Variants in ST7 observed in about 807,000 individuals in gnomAD.
The protein encoded by ST7 is suppressor of tumorigenicity 7 protein.
In ST7, 28 loss-of-function variants were observed where a neutral mutation model predicts 78.7. That is an observed-to-expected ratio of 0.36 (90% CI 0.26 to 0.49). The LOEUF (loss-of-function observed/expected upper bound fraction) is 0.49, where lower values mean the gene tolerates loss of function less well. Ranked by LOEUF, ST7 falls within the 20% of genes least tolerant of loss-of-function variation. ST7 has a pLI of 0.99. For missense variants in ST7, 418 were observed against 696.0 expected (o/e 0.60, Z 4.49); for synonymous variants, 247 against 249.6 (o/e 0.99, Z 0.10).
chr7:117,017,859 A>C (rs10233410), intron 1 of ST7, among the ~76,000 whole-genome samples: 5,543 of 152,252 alleles, frequency 0.036, 347 homozygotes, highest in African/African-American at 0.12. Context: ...AGGCCTCCAC[A>C]TAACAGAAAT....
intron 1 of ST7, among the ~76,000 whole-genome samples, chr7:117,043,107 A>G (rs1740979751): frequency 6.6e-6 from 1 of 152,246 alleles, no homozygotes; most frequent in African/African-American, 2.4e-5. Flanking sequence ...TTAAATAGAC[A>G]TGTAATAATG....
chr7:117,056,316 G>C (rs781496361), intron 1 of ST7, among the ~76,000 whole-genome samples: 1 of 152,186 alleles, frequency 6.6e-6, no homozygotes, highest in Non-Finnish European at 1.5e-5. Context: ...CTTGCTCAGA[G>C]TTGTGAGAGT....
At chr7:117,199,826 G>A (rs1477781162) in intron 12 of ST7, among the ~76,000 whole-genome samples, 1 of 152,232 alleles carries the variant, frequency 6.6e-6, no homozygotes, top group Admixed American at 6.5e-5. Flanking sequence ...CTCACAGTCA[G>A]AGTTGGGGCA....
Position 117,219,224 on chromosome 7 carries a change from G to C in ST7, c.1498+48G>C, listed in dbSNP as rs964614847. 1 of 1,476,908 alleles carries C rather than the reference G, an allele frequency of 6.8e-7. No individual in the cohort carries two copies. Among genetic ancestry groups the C allele is most frequent in the Non-Finnish European group, 9.3e-7 (1 of 1,070,224 alleles). The allele number at this position is 1,476,908 out of a possible 1,614,324, so 91.5% of individuals were successfully genotyped here. On this transcript the variant is annotated intron_variant, in intron 14 of 15. Transcript: ENST00000323984. The surrounding 1 kb of genome is among the most constrained non-coding windows in gnomAD (Gnocchi z 5.1). The stretch of plus-strand genomic sequence containing the variant: ...CAGTGAGGGTGTGTGGTGAAAGGTG[G>C]GGATTGGAAGAGGTGGGAATATCAA...
intron 1 of ST7, among the ~76,000 whole-genome samples, chr7:117,005,347 A>G (rs180917159): frequency 6.6e-6 from 1 of 152,326 alleles, no homozygotes; most frequent in Admixed American, 6.5e-5. Context: ...ATTGTACAGA[A>G]CAGGAATATC....
At chr7:116,967,118 CTTTT>C (rs35773173) in intron 1 of ST7, among the ~76,000 whole-genome samples, 3 of 139,448 alleles carry the variant, frequency 2.2e-5, no homozygotes. Context: ...TTCTATCACT[CTTTT>C]TTTTTTTTTT....
At chr7:117,189,425 G>A (rs1050193639) in intron 11 of ST7, 32 bp downstream of exon 11, 2 of 1,531,126 alleles carry the variant, frequency 1.3e-6, no homozygotes, top group Admixed American at 3.6e-5. Flanking sequence ...CGGTACTAAT[G>A]CCTGACCGGA....
chr7:117,037,546 G>A (rs1420712778), intron 1 of ST7, among the ~76,000 whole-genome samples: 2 of 152,158 alleles, frequency 1.3e-5, no homozygotes, highest in African/African-American at 4.8e-5. Context: ...GTGAGAATAT[G>A]TTTTATTCAG....
intron 1 of ST7, among the ~76,000 whole-genome samples, chr7:117,020,911 C>A (rs1216659675): frequency 6.6e-6 from 1 of 152,134 alleles, no homozygotes; most frequent in African/African-American, 2.4e-5. Context: ...GGGATCAGGC[C>A]TGTCACTGAT....
Position 117,063,703 on chromosome 7 carries a change from G to A in ST7, c.152-36059G>A, listed in dbSNP as rs560982851. 5.1e-4 allele frequency among the ~76,000 whole-genome samples: 77 copies of A among 152,096 alleles called. No individual in the cohort carries two copies. In the South Asian group the frequency reaches 8.7e-3, roughly 17 times the overall value. On this transcript the variant is annotated intron_variant, in intron 1 of 15. Coordinates refer to ENST00000323984, the MANE Select transcript of ST7 (RefSeq NM_001369598.1). ...CAGCCTGGGCAACATAGCAAGACCC[G>A]GTCTCAAAATAAAATAAAATAAAAT... is the stretch of plus-strand genomic sequence containing the variant.
chr7:117,020,480 C>T (rs1373034457), intron 1 of ST7: 4 of 1,140,958 alleles, frequency 3.5e-6, no homozygotes, highest in East Asian at 5.2e-5. Flanking sequence ...CATTGTCTGG[C>T]TTCATGACCC....
At chr7:117,166,391 G>A (rs777567333) in intron 9 of ST7, among the ~76,000 whole-genome samples, 2 of 151,274 alleles carry the variant, frequency 1.3e-5, no homozygotes, top group African/African-American at 4.9e-5. Context: ...AGCCCAAAAG[G>A]TGACTATAGT....
Position 117,033,577 on chromosome 7 carries a change from C to T in ST7, c.152-66185C>T, listed in dbSNP as rs57623429. Reference sequence around the variant, plus strand: ...TAGCTAGGATTACAGGTGCCCGCCACCATGCCCAGCTAATTTTTGTATTTT... The same window carrying T: ...TAGCTAGGATTACAGGTGCCCGCCATCATGCCCAGCTAATTTTTGTATTTT... On this transcript the variant is annotated intron_variant, in intron 1 of 15. Coordinates refer to ENST00000323984, the MANE Select transcript of ST7 (RefSeq NM_001369598.1). 2.0e-3 allele frequency among the ~76,000 whole-genome samples: 300 copies of T among 152,176 alleles called. 1 individual carries two copies. Among genetic ancestry groups the T allele is most frequent in the African/African-American group, 7.0e-3 (291 of 41,520 alleles).
chr7:116,955,492 T>C (rs958371748), intron 1 of ST7, among the ~76,000 whole-genome samples: 17 of 152,278 alleles, frequency 1.1e-4, no homozygotes, highest in South Asian at 2.1e-4. Flanking sequence ...ACAAAATTAA[T>C]TCATTCTTGA....
chr7:116,962,201 G>C (rs1792871154), intron 1 of ST7, among the ~76,000 whole-genome samples: 1 of 152,132 alleles, frequency 6.6e-6, no homozygotes, highest in African/African-American at 2.4e-5. Flanking sequence ...GGGCATTTGG[G>C]TTGGTTCCAT....
intron 1 of ST7, among the ~76,000 whole-genome samples, chr7:117,090,434 G>A (rs1156684896): frequency 6.6e-6 from 1 of 152,150 alleles, no homozygotes; most frequent in African/African-American, 2.4e-5. Flanking sequence ...ATTGAGTACT[G>A]TGTGGACCAG....
At chr7:117,140,974 G>T (rs924163749) in intron 9 of ST7, among the ~76,000 whole-genome samples, 1 of 152,186 alleles carries the variant, frequency 6.6e-6, no homozygotes, top group Non-Finnish European at 1.5e-5. Context: ...TCCCAGCCTT[G>T]CAGGAGACAG....
chr7:117,184,797 AC>A (rs2117351308), intron 10 of ST7, among the ~76,000 whole-genome samples: 1 of 152,326 alleles, frequency 6.6e-6, no homozygotes, highest in East Asian at 1.9e-4. Context: ...TCTGTAGTGT[AC>A]CTAATAGTAC....
chr7:117,140,057 C>T (rs1805145547), intron 9 of ST7, among the ~76,000 whole-genome samples: 1 of 152,156 alleles, frequency 6.6e-6, no homozygotes, highest in African/African-American at 2.4e-5. Flanking sequence ...TTCTTGAGTG[C>T]TTAAGCAACT....
Sources: allele counts gnomAD v4.1 joint callset (sites outside exome capture counted in the v4.1 genomes callset), GRCh38; gene constraint gnomAD v4.1.1; non-coding constraint Gnocchi (gnomAD v3.1); transcripts MANE v1.5; gene names NCBI Gene and HGNC (gene_info 2026-07-23, HGNC 2026-07-21).